AGAP1: variants seen among roughly 807,000 people sequenced by gnomAD.
AGAP1 encodes arf-GAP with GTPase, ANK repeat and PH domain-containing protein 1.
A neutral mutation model predicts 105.3 loss-of-function variants in AGAP1; 29 were observed. The observed-to-expected ratio is 0.28, with a 90% confidence interval of 0.21 to 0.38. The LOEUF (loss-of-function observed/expected upper bound fraction) is 0.38. AGAP1 is among the 10% of genes least tolerant of loss of function. The pLI is 1.00. For missense variants in AGAP1, 998 were observed against 1,165.1 expected (o/e 0.86, Z 2.09); for synonymous variants, 509 against 485.9 (o/e 1.05, Z -0.63).
rs147287177 is a variant in AGAP1 at position 235,705,098 on chromosome 2, C to T, written c.164-4081C>T. On this transcript the variant is annotated intron_variant, in intron 1 of 17. Coordinates refer to ENST00000304032, the MANE Select transcript of AGAP1 (RefSeq NM_001037131.3). This position sits in a 1 kb window ranked among gnomAD's most constrained non-coding sequence, Gnocchi z 4.9. ...GGTTCAAGCACTTCTCCTGCCTCAG[C>T]CTCCCGAGCAGCTGGGATTACAATC... Among the ~76,000 whole-genome samples the T allele has an allele frequency of 7.2e-4, 109 of 150,758 alleles. 4 individuals carry two copies. The East Asian group carries it at 0.021, about 30-fold the overall frequency.
Position 236,050,276 on chromosome 2 carries a change from A to G in AGAP1, c.2114+995A>G, listed in dbSNP as rs535467722. On this transcript the variant is annotated intron_variant, in intron 16 of 17. Transcript: ENST00000304032. This position sits in a 1 kb window ranked among gnomAD's most constrained non-coding sequence, Gnocchi z 4.0. ...GTGGACTTCAGTTCATTAACACTGA[A>G]AAATGAATTTGTGGTGCCACCTTTG... Among the ~76,000 whole-genome samples, 19 of 152,366 alleles carry G rather than the reference A, an allele frequency of 1.2e-4. No individual in the cohort carries two copies. Among genetic ancestry groups the G allele is most frequent in the Admixed American group, 2.6e-4 (4 of 15,304 alleles).
rs569133488 is a variant in AGAP1, at chr2:236,020,963, C to A, written c.1646-15598C>A. Among the ~76,000 whole-genome samples, 1 of 151,942 alleles carries A rather than the reference C, an allele frequency of 6.6e-6. No individual in the cohort carries two copies. The highest frequency in any genetic ancestry group is 6.6e-5 in the Admixed American group (1 of 15,252). ...GGTGGATCACTTGAGGTCAGACATT[C>A]GAGACCAGCCTGGTCAACGTGGTGA... On this transcript the variant is annotated intron_variant, in intron 13 of 17. Coordinates refer to ENST00000304032, the MANE Select transcript of AGAP1 (RefSeq NM_001037131.3). This position sits in a 1 kb window ranked among gnomAD's most constrained non-coding sequence, Gnocchi z 5.0.
At position 235,801,092 on chromosome 2, in the gene AGAP1, C is replaced by T. The variant is rs746837048; in HGVS notation, c.957+1570C>T. Among the ~76,000 whole-genome samples the T allele has an allele frequency of 5.9e-4, 90 of 152,168 alleles. No homozygotes were observed. The highest frequency in any genetic ancestry group is 1.2e-3 in the Non-Finnish European group (85 of 68,042). ...CGGAGGCGGTTGCCAGCTGCACACACCCCCTCGTCCCCAGCCTCCCCTTGC... is the reference window on the plus strand; with the variant it reads ...CGGAGGCGGTTGCCAGCTGCACACATCCCCTCGTCCCCAGCCTCCCCTTGC... On this transcript the variant is annotated intron_variant, in intron 8 of 17. Transcript: ENST00000304032. This position sits in a 1 kb window ranked among gnomAD's most constrained non-coding sequence, Gnocchi z 6.0.
intron 12 of AGAP1, among the ~76,000 whole-genome samples, chr2:235,938,983 G>C (rs926307965): frequency 2.2e-4 from 33 of 152,188 alleles, no homozygotes; most frequent in African/African-American, 7.7e-4. Context: ...ATGTCCCCCA[G>C]GGGTTTCAGA....
intron 1 of AGAP1, among the ~76,000 whole-genome samples, chr2:235,706,586 A>G (rs1232141691): frequency 2.0e-5 from 3 of 152,090 alleles, no homozygotes; most frequent in South Asian, 2.1e-4. Flanking sequence ...TGAGGATCCT[A>G]TCCATCTCTG....
At chr2:235,546,834 C>T (rs570652662) in intron 1 of AGAP1, among the ~76,000 whole-genome samples, 10 of 152,232 alleles carry the variant, frequency 6.6e-5, no homozygotes, top group African/African-American at 2.4e-4. Flanking sequence ...TCTTCTTTGA[C>T]TAAATGAAAA....
At position 235,721,908 on chromosome 2, in the gene AGAP1, C is replaced by A. The variant is rs1049001293; in HGVS notation, c.310+4264C>A. Reference sequence around the variant, plus strand: ...ATTTTAGCTCCATCCCAGAGGGTAACATCTGCTGTCTTAATTGTGTGATGC... The same window carrying A: ...ATTTTAGCTCCATCCCAGAGGGTAAAATCTGCTGTCTTAATTGTGTGATGC... On this transcript the variant is annotated intron_variant, in intron 3 of 17. Transcript: ENST00000304032. This position sits in a 1 kb window ranked among gnomAD's most constrained non-coding sequence, Gnocchi z 4.5. Among the ~76,000 whole-genome samples the A allele has an allele frequency of 1.3e-5, 2 of 152,028 alleles. No homozygotes were observed. Among genetic ancestry groups the A allele is most frequent in the Non-Finnish European group, 2.9e-5 (2 of 68,032 alleles).
chr2:236,085,337 G>T (rs1171645772), intron 16 of AGAP1, among the ~76,000 whole-genome samples: 1 of 152,214 alleles, frequency 6.6e-6, no homozygotes, highest in African/African-American at 2.4e-5. Context: ...GGAGCACTAG[G>T]GTGCAAATCA....
intron 1 of AGAP1, among the ~76,000 whole-genome samples, chr2:235,696,818 T>C (rs1165755961): frequency 1.3e-5 from 2 of 152,026 alleles, no homozygotes; most frequent in African/African-American, 4.8e-5. Flanking sequence ...ACCCCGTCTC[T>C]ACTAAAAATA....
At chr2:235,537,380 T>TGGC (rs1943274077) in intron 1 of AGAP1, among the ~76,000 whole-genome samples, 2 of 152,096 alleles carry the variant, frequency 1.3e-5, no homozygotes, top group Admixed American at 6.5e-5. Context: ...GGGAGAGGGC[T>TGGC]GGCGTCAGCT....
chr2:235,779,569 G>T (rs2149917484), intron 6 of AGAP1, among the ~76,000 whole-genome samples: 1 of 152,290 alleles, frequency 6.6e-6, no homozygotes, highest in South Asian at 2.1e-4. Context: ...TGCGAGTCCA[G>T]AGCCCAAGCT....
At chr2:235,680,326 T>C (rs900828182) in intron 1 of AGAP1, among the ~76,000 whole-genome samples, 3 of 152,208 alleles carry the variant, frequency 2.0e-5, no homozygotes, top group African/African-American at 7.2e-5. Flanking sequence ...GTGTTGGGCC[T>C]GAGCCCTTGT....
At chr2:236,071,347 G>C (rs2058489869) in intron 16 of AGAP1, among the ~76,000 whole-genome samples, 1 of 152,180 alleles carries the variant, frequency 6.6e-6, no homozygotes, top group African/African-American at 2.4e-5. Context: ...GCTTCCTGCT[G>C]AGCACCTCGG....
chr2:235,664,930 A>G lies in AGAP1; in HGVS notation c.164-44249A>G, dbSNP rs1948078769. Among the ~76,000 whole-genome samples, 2 of 152,176 alleles carry G rather than the reference A, an allele frequency of 1.3e-5. No homozygotes were observed. Among genetic ancestry groups the G allele is most frequent in the Non-Finnish European group, 2.9e-5 (2 of 68,030 alleles). On this transcript the variant is annotated intron_variant, in intron 1 of 17. Coordinates refer to ENST00000304032, the MANE Select transcript of AGAP1 (RefSeq NM_001037131.3). The surrounding 1 kb of genome is among the most constrained non-coding windows in gnomAD (Gnocchi z 5.7). ...GACCCCCATCTTTACCATAAATGAA[A>G]AAAACGTTAGCCAAGCATGGTGGCT... is the stretch of plus-strand genomic sequence containing the variant.
At chr2:235,966,330 G>GA (rs1372945045) in intron 12 of AGAP1, among the ~76,000 whole-genome samples, 1 of 148,536 alleles carries the variant, frequency 6.7e-6, no homozygotes, top group Non-Finnish European at 1.5e-5. Context: ...TGGGGATGGA[G>GA]AGAGGGGAGC....
In AGAP1 at chr2:235,976,962, G is replaced by A. The variant is rs201416752; in HGVS notation, c.1645+8339G>A. ...CACAGACAAGCATTTGAGCTCCTTA[G>A]CCTGCTACACAGAAGCATAAACTCA... is the stretch of plus-strand genomic sequence containing the variant. On this transcript the variant is annotated intron_variant, in intron 13 of 17. Coordinates refer to ENST00000304032, the MANE Select transcript of AGAP1 (RefSeq NM_001037131.3). This position sits in a 1 kb window ranked among gnomAD's most constrained non-coding sequence, Gnocchi z 4.5. 5.3e-5 allele frequency among the ~76,000 whole-genome samples: 8 copies of A among 152,322 alleles called. No individual in the cohort carries two copies. In the East Asian group the frequency reaches 1.5e-3, roughly 29 times the overall value.
rs1361730273 is a variant in AGAP1 at position 235,604,424 on chromosome 2, G to GA, written c.164-104751dup. Among the ~76,000 whole-genome samples the GA allele has an allele frequency of 2.7e-5, 4 of 149,990 alleles. No homozygotes were observed. The East Asian group carries it at 7.9e-4, about 30-fold the overall frequency. On this transcript the variant is annotated intron_variant, in intron 1 of 17. Transcript: ENST00000304032. ...TTGAGCCCGGGAGGTTGAGGCTGTA[G>GA]AAAACCACGATTGTGCCAGTGCACT...
Position 236,014,162 on chromosome 2 carries a change from G to C in AGAP1, c.1646-22399G>C, listed in dbSNP as rs914949086. On this transcript the variant is annotated intron_variant, in intron 13 of 17. Coordinates refer to ENST00000304032, the MANE Select transcript of AGAP1 (RefSeq NM_001037131.3). The surrounding 1 kb of genome is among the most constrained non-coding windows in gnomAD (Gnocchi z 6.3). ...AACCTGAGGTGGCATTTGCTCTTCT[G>C]GTTCCTAGGAGCTCCATTTAGAGCC... Among the ~76,000 whole-genome samples the C allele has an allele frequency of 1.1e-4, 17 of 152,078 alleles. No homozygotes were observed. Among genetic ancestry groups the C allele is most frequent in the Non-Finnish European group, 1.2e-4 (8 of 68,004 alleles).
At chr2:235,519,217 C>T (rs372443317) in intron 1 of AGAP1, among the ~76,000 whole-genome samples, 12 of 152,110 alleles carry the variant, frequency 7.9e-5, no homozygotes, top group Admixed American at 4.6e-4. Context: ...GGACTACAGG[C>T]GCACACCACC....
Sources: allele counts gnomAD v4.1 joint callset (sites outside exome capture counted in the v4.1 genomes callset), GRCh38; gene constraint gnomAD v4.1.1; non-coding constraint Gnocchi (gnomAD v3.1); transcripts MANE v1.5; gene names NCBI Gene and HGNC (gene_info 2026-07-23, HGNC 2026-07-21).